The following ERAP1 variants were observed in gnomAD, a reference collection of about 807,000 sequenced individuals.
ERAP1 encodes the protein endoplasmic reticulum aminopeptidase 1, also known as adipocyte-derived leucine aminopeptidase.
ERAP1 carries 86 observed loss-of-function variants against 103.7 expected under a neutral mutation model. The observed-to-expected ratio is 0.83, with a 90% CI of 0.70 to 0.99. ERAP1 has a LOEUF of 0.99. ERAP1 is among the 50% of genes least tolerant of loss of function. The pLI is 0.00. For synonymous variants in ERAP1, 398 were observed against 402.4 expected (o/e 0.99, Z 0.13); for missense variants, 1,009 against 1,128.4 (o/e 0.89, Z 1.52).
At chr5:96,846,076 A>G in the ERAP1 span, among the ~76,000 whole-genome samples, 1 of 138,092 alleles carries the variant, frequency 7.2e-6, no homozygotes, top group Non-Finnish European at 1.7e-5. Context: ...ATTCAGTCGT[A>G]AAAAACAGAA....
the ERAP1 span, among the ~76,000 whole-genome samples, chr5:96,903,738 GT>G: frequency 1.3e-5 from 2 of 151,530 alleles, no homozygotes; most frequent in Non-Finnish European, 2.9e-5. Context: ...CCCACACAGT[GT>G]TTATAATTGT....
At chr5:96,874,136 GAGAAAGAA>G in the ERAP1 span, among the ~76,000 whole-genome samples, 2,293 of 118,824 alleles carry the variant, frequency 0.019, 25 homozygotes, top group Non-Finnish European at 0.024. Context: ...GAAAGAGAGA[GAGAAAGAA>G]AGAAAGAAAG....
chr5:96,879,754 C>A, the ERAP1 span: 1 of 1,614,208 alleles, frequency 6.2e-7, no homozygotes, highest in Non-Finnish European at 8.5e-7. Context: ...GAGGATTTTA[C>A]TGCTTAACAG....
At chr5:96,917,154 T>G in the ERAP1 span, among the ~76,000 whole-genome samples, 1 of 152,350 alleles carries the variant, frequency 6.6e-6, no homozygotes, top group Admixed American at 6.5e-5. Flanking sequence ...TCAGCCAGGC[T>G]GGAGTGCAGT....
the ERAP1 span, chr5:96,823,195 A>C: frequency 2.2e-6 from 1 of 451,812 alleles, no homozygotes; most frequent in East Asian, 7.0e-5. Flanking sequence ...CAGTCATATA[A>C]TCATACACAT....
At chr5:96,781,635 G>GATCTA in intron 16 of ERAP1, 58 bp downstream of exon 16, 2 of 1,606,318 alleles carry the variant, frequency 1.2e-6, no homozygotes, top group South Asian at 2.2e-5. Flanking sequence ...ATGCCAGAAT[G>GATCTA]ATCTAATCTA....
At chr5:96,901,789 A>G in the ERAP1 span, 6 of 1,149,262 alleles carry the variant, frequency 5.2e-6, no homozygotes, top group Admixed American at 2.7e-5. Flanking sequence ...CTAGTTCCAT[A>G]TAAGAATCAA....
At chr5:96,885,544 A>G in the ERAP1 span, among the ~76,000 whole-genome samples, 1 of 152,218 alleles carries the variant, frequency 6.6e-6, no homozygotes. Flanking sequence ...TAGCAAAAAC[A>G]TTTGCCATCA....
chr5:96,817,739 C>G, the ERAP1 span, among the ~76,000 whole-genome samples: 1 of 152,170 alleles, frequency 6.6e-6, no homozygotes, highest in African/African-American at 2.4e-5. Context: ...ATTGCTGGCT[C>G]CAGAACCATA....
chr5:96,801,053 A>G, intron 2 of ERAP1, 53 bp from the exon 3 acceptor site: 1 of 1,597,696 alleles, frequency 6.3e-7, no homozygotes, highest in African/African-American at 1.3e-5. Flanking sequence ...CAGGAACTCT[A>G]AAACAGGTGT....
chr5:96,923,522 G>A, the ERAP1 span, among the ~76,000 whole-genome samples: 11 of 152,028 alleles, frequency 7.2e-5, no homozygotes, highest in South Asian at 1.0e-3. Context: ...GTGAAATCCC[G>A]TCTCTACTAA....
At chr5:96,893,152 C>T in the ERAP1 span, among the ~76,000 whole-genome samples, 1 of 152,144 alleles carries the variant, frequency 6.6e-6, no homozygotes, top group Admixed American at 6.6e-5. Flanking sequence ...TCTATCAACA[C>T]TGTATTACAT....
rs763120767 is a variant in ERAP1 at position 96,785,819 on chromosome 5, T to G, written c.1912A>C (p.Ser638Arg). The part of the protein sequence containing the change: ...HTAVSSNDRA[S>R]LINNAFQLVS... ...AGCTGAAATGCATTGTTAATGAGAC[T>G]CGCCCGATCATTACTGCTGACTGCT... Residue 638 changes from serine to arginine, a missense_variant, in exon 13 of 19, where the codon AGT becomes CGT. By Grantham distance (110) the Ser-to-Arg change is moderately radical. Around this residue, in one of 3 missense-constraint regions of ERAP1, gnomAD observed 611 missense variants for 651.7 expected, o/e 0.94. Coordinates refer to ENST00000443439, the MANE Select transcript of ERAP1 (RefSeq NM_001040458.3). 2 of 1,614,144 alleles carry G rather than the reference T, an allele frequency of 1.2e-6. No homozygotes were observed. Among genetic ancestry groups the G allele is most frequent in the East Asian group, 4.5e-5 (2 of 44,890 alleles).
chr5:96,782,252 AC>A (rs1239441134), intron 15 of ERAP1, among the ~76,000 whole-genome samples: 2 of 151,712 alleles, frequency 1.3e-5, no homozygotes, highest in African/African-American at 2.4e-5. Context: ...CTCGTGATCC[AC>A]CCACCTCAGC....
At position 96,776,113 on chromosome 5, in the gene ERAP1, A is replaced by T; in HGVS notation, c.*283T>A. On this transcript the variant is annotated 3_prime_UTR_variant, in exon 19 of 19. Transcript: ENST00000443439. ...TTTTGGACACGGGTGCTTAAGCATAAACTATAAAATGAGAAGAATAAGGTA... is the reference window on the plus strand; with the variant it reads ...TTTTGGACACGGGTGCTTAAGCATATACTATAAAATGAGAAGAATAAGGTA... 7.3e-7 allele frequency: 1 copy of T among 1,373,222 alleles called. No homozygotes were observed. Among genetic ancestry groups the T allele is most frequent in the Non-Finnish European group, 9.6e-7 (1 of 1,045,774 alleles). 85.1% of individuals were successfully genotyped at this position (1,373,222 alleles called of 1,614,324 possible).
the ERAP1 span, among the ~76,000 whole-genome samples, chr5:96,831,273 T>C: frequency 6.6e-6 from 1 of 152,144 alleles, no homozygotes; most frequent in Non-Finnish European, 1.5e-5. Context: ...ACTATCACCA[T>C]AACAGCACTG....
At chr5:96,771,719 T>C (rs1772411431), downstream of ERAP1, 1 of 1,533,474 alleles carries the variant, frequency 6.5e-7, no homozygotes, top group African/African-American at 1.4e-5. Flanking sequence ...TGGGTGTTTA[T>C]TTGTAAATGA....
the ERAP1 span, among the ~76,000 whole-genome samples, chr5:96,841,183 A>T: frequency 6.6e-6 from 1 of 152,200 alleles, no homozygotes; most frequent in African/African-American, 2.4e-5. Flanking sequence ...ATGCAAATAC[A>T]TTATCTGAAA....
chr5:96,872,271 G>C, the ERAP1 span, among the ~76,000 whole-genome samples: 5,225 of 151,356 alleles, frequency 0.035, 104 homozygotes, highest in South Asian at 0.058. Flanking sequence ...CCACTGCAGA[G>C]GTTGCAGTGA....
Sources: allele counts gnomAD v4.1 joint callset (sites outside exome capture counted in the v4.1 genomes callset), GRCh38; gene constraint gnomAD v4.1.1; regional missense constraint gnomAD v4.1.1; transcripts MANE v1.5; gene names NCBI Gene and HGNC (gene_info 2026-07-23, HGNC 2026-07-21).